QTMAN: variants seen among roughly 807,000 people sequenced by gnomAD.
QTMAN encodes the protein queuosine-tRNA mannosyltransferase.
the QTMAN span, among the ~76,000 whole-genome samples, chr2:144,162,934 C>CA: frequency 6.6e-6 from 1 of 151,868 alleles, no homozygotes; most frequent in African/African-American, 2.4e-5. Context: ...GGCACAGAAA[C>CA]AAAAAGAGGG....
At chr2:144,133,246 A>T in the QTMAN span, among the ~76,000 whole-genome samples, 2 of 27,026 alleles carry the variant, frequency 7.4e-5, no homozygotes, top group African/African-American at 2.1e-4. Context: ...TTTATATATA[A>T]ATATATATAA....
the QTMAN span, among the ~76,000 whole-genome samples, chr2:144,072,802 A>G: frequency 6.6e-6 from 1 of 152,194 alleles, no homozygotes; most frequent in African/African-American, 2.4e-5. Flanking sequence ...ATTCTAGAAA[A>G]TACTTTCGTA....
At chr2:144,051,321 A>T in the QTMAN span, among the ~76,000 whole-genome samples, 4 of 152,142 alleles carry the variant, frequency 2.6e-5, no homozygotes, top group African/African-American at 9.7e-5. Flanking sequence ...ACTTGAGGCC[A>T]AGAGTTTGAG....
At chr2:144,253,063 G>A in the QTMAN span, among the ~76,000 whole-genome samples, 1 of 152,074 alleles carries the variant, frequency 6.6e-6, no homozygotes, top group South Asian at 2.1e-4. Context: ...TTGAATCATG[G>A]GAGTGGTCAC....
the QTMAN span, among the ~76,000 whole-genome samples, chr2:144,303,728 T>C: frequency 5.2e-4 from 79 of 152,316 alleles, no homozygotes; most frequent in Non-Finnish European, 6.6e-4. Flanking sequence ...GCCCACTTCA[T>C]ACCATAATCA....
chr2:144,001,133 C>A, the QTMAN span, among the ~76,000 whole-genome samples: 1 of 151,738 alleles, frequency 6.6e-6, no homozygotes, highest in African/African-American at 2.4e-5. Context: ...CAAAACACAT[C>A]TTTTCAGAAG....
the QTMAN span, among the ~76,000 whole-genome samples, chr2:144,126,045 C>T: frequency 6.6e-6 from 1 of 151,948 alleles, no homozygotes; most frequent in Non-Finnish European, 1.5e-5. Context: ...TCTTATTTTT[C>T]ATCAGGATAG....
chr2:144,117,320 T>C, the QTMAN span, among the ~76,000 whole-genome samples: 1 of 152,198 alleles, frequency 6.6e-6, no homozygotes, highest in Non-Finnish European at 1.5e-5. Flanking sequence ...AAGCACCAAG[T>C]GAAATCATCA....
the QTMAN span, among the ~76,000 whole-genome samples, chr2:143,988,695 G>C: frequency 3.9e-5 from 6 of 152,204 alleles, no homozygotes; most frequent in East Asian, 9.6e-4. Context: ...AGTGGTAAAG[G>C]ACGGAACTGG....
the QTMAN span, among the ~76,000 whole-genome samples, chr2:144,102,550 C>A: frequency 2.0e-5 from 3 of 152,218 alleles, no homozygotes; most frequent in African/African-American, 7.2e-5. Flanking sequence ...ACTAACCTAG[C>A]AGCTCTGTTA....
chr2:143,947,905 G>C, the QTMAN span, among the ~76,000 whole-genome samples: 1 of 152,018 alleles, frequency 6.6e-6, no homozygotes, highest in Non-Finnish European at 1.5e-5. Flanking sequence ...AGAAAGGGAA[G>C]GGAGGGAAAG....
chr2:144,141,860 G>C, the QTMAN span: 1 of 1,547,596 alleles, frequency 6.5e-7, no homozygotes, highest in Non-Finnish European at 8.9e-7. Context: ...ACAATATTGA[G>C]AACAGAGTCA....
At chr2:144,255,368 C>A in the QTMAN span, among the ~76,000 whole-genome samples, 1 of 152,092 alleles carries the variant, frequency 6.6e-6, no homozygotes, top group Non-Finnish European at 1.5e-5. Flanking sequence ...TTATAAGGAG[C>A]TTTTCCCCCT....
the QTMAN span, among the ~76,000 whole-genome samples, chr2:144,044,331 G>A: frequency 5.3e-4 from 80 of 151,996 alleles, no homozygotes; most frequent in African/African-American, 1.8e-3. Context: ...AATATTATTA[G>A]AATAAAATGT....
At chr2:144,200,170 G>A in the QTMAN span, among the ~76,000 whole-genome samples, 1 of 152,170 alleles carries the variant, frequency 6.6e-6, no homozygotes, top group Non-Finnish European at 1.5e-5. Flanking sequence ...ATAAAATAAT[G>A]GTGACCAGTA....
At chr2:144,004,774 C>A in the QTMAN span, among the ~76,000 whole-genome samples, 1 of 151,934 alleles carries the variant, frequency 6.6e-6, no homozygotes, top group Non-Finnish European at 1.5e-5. Context: ...CATCAGTACT[C>A]CATGCAGGAC....
chr2:144,311,008 C>G, the QTMAN span, among the ~76,000 whole-genome samples: 1 of 152,096 alleles, frequency 6.6e-6, no homozygotes. Context: ...GGCTTCAGCA[C>G]TGAGACTAAT....
the QTMAN span, among the ~76,000 whole-genome samples, chr2:144,002,219 T>C: frequency 6.6e-6 from 1 of 151,960 alleles, no homozygotes; most frequent in African/African-American, 2.4e-5. Flanking sequence ...TCGATAGATA[T>C]CTTTTAATAA....
the QTMAN span, chr2:144,145,567 C>A: frequency 1.2e-6 from 2 of 1,600,820 alleles, no homozygotes; most frequent in South Asian, 2.2e-5. Flanking sequence ...ACAATCCATA[C>A]CTACCATGAA....
Sources: gnomAD v4.1 joint callset for allele counts (sites outside exome capture counted in the v4.1 genomes callset) on GRCh38, gnomAD v4.1.1 for gene constraint, MANE v1.5 for transcripts, NCBI Gene and HGNC (gene_info 2026-07-23, HGNC 2026-07-21) for gene names.